GRXCR1: variants seen among roughly 807,000 people sequenced by gnomAD.
GRXCR1 encodes glutaredoxin domain-containing cysteine-rich protein 1.
A neutral mutation model predicts 27.3 loss-of-function variants in GRXCR1; 27 were observed. That is an observed-to-expected ratio of 0.99 (90% CI 0.73 to 1.37). GRXCR1 has a LOEUF of 1.37. Among genes scored for constraint, GRXCR1 ranks in the 40% most tolerant of loss-of-function variants. The probability of loss-of-function intolerance (pLI) is 0.00; values close to 1 mark genes in which losing one functional copy is unlikely to be tolerated. For synonymous variants in GRXCR1, 122 were observed against 131.1 expected (o/e 0.93, Z 0.47); for missense variants, 379 against 354.4 (o/e 1.07, Z -0.56).
chr4:42,965,175 A>G (rs1372991077), intron 2 of GRXCR1, among the ~76,000 whole-genome samples: 1 of 151,998 alleles, frequency 6.6e-6, no homozygotes, highest in African/African-American at 2.4e-5. Flanking sequence ...AAACAGACAA[A>G]TGAGATAGGG....
At chr4:42,986,278 A>G (rs927588071) in intron 2 of GRXCR1, among the ~76,000 whole-genome samples, 4 of 152,244 alleles carry the variant, frequency 2.6e-5, no homozygotes, top group Admixed American at 2.0e-4. Flanking sequence ...GAAGCAAACC[A>G]TCTCTCCAGC....
At chr4:42,907,123 C>G (rs1425950232) in intron 1 of GRXCR1, among the ~76,000 whole-genome samples, 3 of 152,136 alleles carry the variant, frequency 2.0e-5, no homozygotes, top group Non-Finnish European at 4.4e-5. Context: ...GAAGCCAGCG[C>G]CAGCCCAGAC....
At chr4:42,906,435 T>C (rs1361732308) in intron 1 of GRXCR1, among the ~76,000 whole-genome samples, 2 of 152,180 alleles carry the variant, frequency 1.3e-5, no homozygotes, top group Non-Finnish European at 2.9e-5. Context: ...ACACAGTGAC[T>C]ACAGAGCCAC....
intron 2 of GRXCR1, among the ~76,000 whole-genome samples, chr4:42,974,995 G>C (rs1431639598): frequency 6.6e-6 from 1 of 152,108 alleles, no homozygotes; most frequent in Non-Finnish European, 1.5e-5. Context: ...CTGGTCAGTT[G>C]TGTTTAGACT....
intron 2 of GRXCR1, among the ~76,000 whole-genome samples, chr4:42,990,170 G>GTTTT (rs1243636449): frequency 3.2e-5 from 2 of 63,450 alleles, no homozygotes; most frequent in Non-Finnish European, 3.2e-5. Context: ...TGAATTATTA[G>GTTTT]TTCTTTTTTT....
chr4:42,946,958 G>A (rs1441053268), intron 1 of GRXCR1, among the ~76,000 whole-genome samples: 1 of 152,094 alleles, frequency 6.6e-6, no homozygotes, highest in Non-Finnish European at 1.5e-5. Context: ...TAGTGCTGGG[G>A]GTGCAGAAGA....
intron 3 of GRXCR1, among the ~76,000 whole-genome samples, chr4:43,025,575 A>T (rs1289534011): frequency 6.6e-6 from 1 of 152,210 alleles, no homozygotes; most frequent in East Asian, 1.9e-4. Flanking sequence ...AGGAGAGGAG[A>T]CACAGTCTGT....
chr4:43,010,394 A>G (rs1262505646), intron 2 of GRXCR1, among the ~76,000 whole-genome samples: 1 of 145,848 alleles, frequency 6.9e-6, no homozygotes, highest in African/African-American at 2.6e-5. Flanking sequence ...CAAGAGAGAA[A>G]CTCCATCTCA....
intron 1 of GRXCR1, among the ~76,000 whole-genome samples, chr4:42,940,104 A>G (rs959986476): frequency 2.6e-5 from 4 of 151,976 alleles, no homozygotes; most frequent in African/African-American, 9.7e-5. Flanking sequence ...TGCCAGAGCC[A>G]TGGGAGGATC....
At chr4:42,999,136 G>A (rs111850473) in intron 2 of GRXCR1, among the ~76,000 whole-genome samples, 8 of 152,232 alleles carry the variant, frequency 5.3e-5, no homozygotes, top group African/African-American at 1.9e-4. Flanking sequence ...GAGTGATGAG[G>A]GCAGGCAGGC....
intron 2 of GRXCR1, among the ~76,000 whole-genome samples, chr4:42,990,749 T>A (rs1421675047): frequency 3.9e-5 from 6 of 152,108 alleles, no homozygotes; most frequent in Admixed American, 3.9e-4. Flanking sequence ...AATTTATTGA[T>A]ATTTTCTTTG....
chr4:42,912,622 A>G (rs1266505973), intron 1 of GRXCR1, among the ~76,000 whole-genome samples: 3 of 152,164 alleles, frequency 2.0e-5, no homozygotes, highest in Non-Finnish European at 4.4e-5. Context: ...TGACAAGACC[A>G]TTATATATTC....
At position 42,951,827 on chromosome 4, in the gene GRXCR1, A is replaced by G. The variant is rs114990563; in HGVS notation, c.385-11065A>G. 3.0e-3 allele frequency among the ~76,000 whole-genome samples: 460 copies of G among 152,256 alleles called. 1 individual carries two copies. Among genetic ancestry groups the G allele is most frequent in the Non-Finnish European group, 3.0e-3 (205 of 68,018 alleles). On this transcript the variant is annotated intron_variant, in intron 1 of 3. Transcript: ENST00000399770. The stretch of plus-strand genomic sequence containing the variant: ...TCTCCATCCTGACTGGCATGAGATA[A>G]TATCTCATTGTGGTTTTGATTTGCA...
chr4:42,918,015 T>C (rs1353046075), intron 1 of GRXCR1, among the ~76,000 whole-genome samples: 1 of 152,102 alleles, frequency 6.6e-6, no homozygotes, highest in Non-Finnish European at 1.5e-5. Flanking sequence ...GAAATATATA[T>C]CTGCATAATT....
chr4:42,930,286 C>T (rs118031849), intron 1 of GRXCR1, among the ~76,000 whole-genome samples: 1 of 151,992 alleles, frequency 6.6e-6, no homozygotes, highest in Non-Finnish European at 1.5e-5. Context: ...ATTGGCTGTT[C>T]TCCATCATGA....
intron 2 of GRXCR1, among the ~76,000 whole-genome samples, chr4:42,966,368 AG>A (rs550892795): frequency 1.6e-3 from 247 of 152,208 alleles, no homozygotes; most frequent in African/African-American, 5.6e-3. Context: ...TGACAGAGAG[AG>A]GAATAGAAGG....
intron 2 of GRXCR1, among the ~76,000 whole-genome samples, chr4:43,005,648 C>T (rs1712533019): frequency 6.6e-6 from 1 of 152,126 alleles, no homozygotes; most frequent in Non-Finnish European, 1.5e-5. Flanking sequence ...CCTTGCTGTA[C>T]TGAGTTATTC....
intron 2 of GRXCR1, among the ~76,000 whole-genome samples, chr4:43,008,066 A>G (rs1414835786): frequency 1.3e-5 from 2 of 151,968 alleles, no homozygotes; most frequent in Admixed American, 1.3e-4. Context: ...GTTTTCATTG[A>G]TTATATTAAA....
chr4:42,982,196 C>A (rs1676937110), intron 2 of GRXCR1, among the ~76,000 whole-genome samples: 1 of 132,438 alleles, frequency 7.6e-6, no homozygotes, highest in South Asian at 2.9e-4. Context: ...CTGATGCTAT[C>A]CCTCCCCCCT....
Sources: allele counts gnomAD v4.1 joint callset (sites outside exome capture counted in the v4.1 genomes callset), GRCh38; gene constraint gnomAD v4.1.1; transcripts MANE v1.5; gene names NCBI Gene and HGNC (gene_info 2026-07-23, HGNC 2026-07-21).